The following STK32B variants were observed in gnomAD, a reference collection of about 807,000 sequenced individuals.
STK32B encodes the protein serine/threonine-protein kinase 32B.
Under a neutral mutation model 52.6 loss-of-function variants are expected in STK32B, and 43 were observed. The ratio of observed to expected loss-of-function variants is 0.82; its 90% confidence interval spans 0.64 to 1.05. The LOEUF is 1.05. STK32B is among the 50% of genes least tolerant of loss of function. The pLI, the probability that STK32B is intolerant of heterozygous loss-of-function variation, is 0.00. For missense variants in STK32B, 621 were observed against 534.6 expected (o/e 1.16, Z -1.59); for synonymous variants, 238 against 204.3 (o/e 1.17, Z -1.41).
chr4:5,056,677 G>A (rs930928501), intron 1 of STK32B, among the ~76,000 whole-genome samples: 8 of 152,144 alleles, frequency 5.3e-5, no homozygotes, highest in Admixed American at 2.0e-4. Context: ...AATGTCCCAC[G>A]GTTACTTTGA....
chr4:5,045,127 T>A, the STK32B span, among the ~76,000 whole-genome samples: 1 of 152,230 alleles, frequency 6.6e-6, no homozygotes, highest in Non-Finnish European at 1.5e-5. Flanking sequence ...TACTTCCCTG[T>A]TCAGAGCCCT....
chr4:5,319,547 C>G (rs1731346822), intron 3 of STK32B, among the ~76,000 whole-genome samples: 1 of 146,542 alleles, frequency 6.8e-6, no homozygotes, highest in Non-Finnish European at 1.5e-5. Context: ...CTCCTCACTC[C>G]CATCTTACCC....
intron 3 of STK32B, among the ~76,000 whole-genome samples, chr4:5,184,313 A>AG (rs1252903661): frequency 1.3e-5 from 2 of 152,160 alleles, no homozygotes; most frequent in Non-Finnish European, 2.9e-5. Flanking sequence ...GGAGTGAGGT[A>AG]GGGGAACAAC....
At chr4:5,476,804 A>G (rs1718277393) in intron 11 of STK32B, among the ~76,000 whole-genome samples, 1 of 151,128 alleles carries the variant, frequency 6.6e-6, no homozygotes, top group Admixed American at 6.6e-5. Flanking sequence ...AGGTCACACT[A>G]GATTAGGGTA....
At chr4:5,187,627 G>GGGGGGGGGGCCGGGGGGGGGGAGGA (rs1720851183) in intron 3 of STK32B, among the ~76,000 whole-genome samples, 1 of 141,638 alleles carries the variant, frequency 7.1e-6, no homozygotes, top group Admixed American at 7.3e-5. Flanking sequence ...GCGGGGGAGG[G>GGGGGGGGGGCCGGGGGGGGGGAGGA]GGGGGACAAG....
At chr4:5,254,962 A>G (rs1290977934) in intron 3 of STK32B, among the ~76,000 whole-genome samples, 1 of 142,426 alleles carries the variant, frequency 7.0e-6, no homozygotes, top group Non-Finnish European at 1.5e-5. Flanking sequence ...GGTATCATTC[A>G]CTAATATATA....
chr4:5,028,345 G>C, the STK32B span, among the ~76,000 whole-genome samples: 1 of 152,186 alleles, frequency 6.6e-6, no homozygotes, highest in Non-Finnish European at 1.5e-5. Context: ...TTTTCTATTT[G>C]TGTGAATCCT....
At chr4:5,445,046 G>C (rs144808723) in intron 6 of STK32B, among the ~76,000 whole-genome samples, 4 of 152,308 alleles carry the variant, frequency 2.6e-5, no homozygotes, top group African/African-American at 9.6e-5. Context: ...CCTGTAAGGT[G>C]CATCTCAGCT....
chr4:5,275,013 C>T (rs1452791444), intron 3 of STK32B, among the ~76,000 whole-genome samples: 1 of 152,196 alleles, frequency 6.6e-6, no homozygotes, highest in Non-Finnish European at 1.5e-5. Flanking sequence ...CTTCCGTGAC[C>T]CACGACTTCT....
At chr4:5,439,020 G>C (rs1278913980) in intron 6 of STK32B, among the ~76,000 whole-genome samples, 1 of 151,304 alleles carries the variant, frequency 6.6e-6, no homozygotes, top group Non-Finnish European at 1.5e-5. Context: ...CATTTGGGTT[G>C]GTTCCAAGTC....
chr4:5,080,599 A>G (rs1712357703), intron 1 of STK32B, among the ~76,000 whole-genome samples: 1 of 152,196 alleles, frequency 6.6e-6, no homozygotes, highest in African/African-American at 2.4e-5. Flanking sequence ...TGTCATTTAC[A>G]ACCCCACTAA....
At chr4:5,316,172 T>C (rs1459946806) in intron 3 of STK32B, among the ~76,000 whole-genome samples, 2 of 111,508 alleles carry the variant, frequency 1.8e-5, no homozygotes, top group Non-Finnish European at 3.4e-5. Context: ...ACTAAATATA[T>C]ATATAACTAA....
intron 1 of STK32B, among the ~76,000 whole-genome samples, chr4:5,128,108 C>CA (rs1383491502): frequency 1.3e-5 from 2 of 152,166 alleles, no homozygotes; most frequent in African/African-American, 4.8e-5. Flanking sequence ...ATACAGCTGG[C>CA]AACTCCCAGA....
intron 1 of STK32B, among the ~76,000 whole-genome samples, chr4:5,059,052 CTTTTTTTTTTT>C (rs3072775): frequency 5.9e-4 from 51 of 86,918 alleles, no homozygotes; most frequent in Non-Finnish European, 9.4e-4. Context: ...CGCCCAGCTG[CTTTTTTTTTTT>C]TTTTTTTTTT....
At chr4:5,206,888 A>G (rs1402586994) in intron 3 of STK32B, among the ~76,000 whole-genome samples, 1 of 152,062 alleles carries the variant, frequency 6.6e-6, no homozygotes, top group Non-Finnish European at 1.5e-5. Flanking sequence ...TTTTCTCTTT[A>G]ACTCCTTCTG....
intron 1 of STK32B, among the ~76,000 whole-genome samples, chr4:5,089,766 A>G (rs10011604): frequency 0.25 from 37,687 of 152,076 alleles, 5,582 homozygotes; most frequent in Non-Finnish European, 0.34. Context: ...CCAGATCCCT[A>G]AGGAATCACA....
intron 4 of STK32B, among the ~76,000 whole-genome samples, chr4:5,369,770 C>T (rs1387806412): frequency 1.3e-5 from 2 of 152,282 alleles, no homozygotes; most frequent in African/African-American, 4.8e-5. Flanking sequence ...AGCCTGGTGG[C>T]CAGGCAACAT....
At chr4:5,146,892 G>C (rs1051248741) in intron 2 of STK32B, among the ~76,000 whole-genome samples, 1 of 151,978 alleles carries the variant, frequency 6.6e-6, no homozygotes, top group Non-Finnish European at 1.5e-5. Context: ...GATTGTTTTG[G>C]ATATTCTAGA....
chr4:5,220,121 T>G (rs932391382), intron 3 of STK32B, among the ~76,000 whole-genome samples: 1 of 152,138 alleles, frequency 6.6e-6, no homozygotes, highest in Non-Finnish European at 1.5e-5. Flanking sequence ...GGATCCCTAA[T>G]GTAAGTTTAG....
Sources: allele counts gnomAD v4.1 joint callset (sites outside exome capture counted in the v4.1 genomes callset), GRCh38; gene constraint gnomAD v4.1.1; transcripts MANE v1.5; gene names NCBI Gene and HGNC (gene_info 2026-07-23, HGNC 2026-07-21).